PDZD2: variants seen among roughly 807,000 people sequenced by gnomAD.
PDZD2 encodes the protein PDZ domain containing 2, also known as PDZ domain-containing protein 2.
PDZD2 carries 90 observed loss-of-function variants against 220.7 expected under a neutral mutation model. The ratio of observed to expected loss-of-function variants is 0.41; its 90% CI spans 0.34 to 0.49. The LOEUF (loss-of-function observed/expected upper bound fraction) is 0.49, where lower values mean the gene tolerates loss of function less well. Among genes scored for constraint, PDZD2 ranks in the 20% least tolerant of loss-of-function variants. The pLI, the probability that PDZD2 is intolerant of heterozygous loss-of-function variation, is 0.28. For synonymous variants in PDZD2, 1,375 were observed against 1,450.5 expected, an observed-to-expected ratio of 0.95 and a Z score of 1.18; for missense variants, 3,174 against 3,608.5, an observed-to-expected ratio of 0.88 and a Z score of 3.08.
At chr5:32,091,278 A>C in intron 20 of PDZD2, 103 bp downstream of exon 20, 4 of 539,592 alleles carry the variant, frequency 7.4e-6, no homozygotes, top group Non-Finnish European at 1.1e-5. Context: ...GTTCCCACTT[A>C]CTTTTTTTTT....
chr5:32,095,632 G>GTGTC (rs1249988870), intron 21 of PDZD2, among the ~76,000 whole-genome samples: 2 of 150,782 alleles, frequency 1.3e-5, no homozygotes, highest in Non-Finnish European at 3.0e-5. Context: ...TAGCATATCT[G>GTGTC]TGTCCTTAAA....
At chr5:31,677,304 A>C (rs909049602) in intron 1 of PDZD2, among the ~76,000 whole-genome samples, 1 of 152,070 alleles carries the variant, frequency 6.6e-6, no homozygotes, top group Admixed American at 6.5e-5. Context: ...TCTAAAAAAA[A>C]TTTTTATTTG....
intron 1 of PDZD2, among the ~76,000 whole-genome samples, chr5:31,729,194 C>T (rs1749364571): frequency 6.7e-6 from 1 of 150,296 alleles, no homozygotes; most frequent in Non-Finnish European, 1.5e-5. Flanking sequence ...ACCTCCGCCT[C>T]CTGGATTCAG....
intron 6 of PDZD2, among the ~76,000 whole-genome samples, chr5:32,036,629 C>A (rs1309062932): frequency 6.6e-6 from 1 of 152,170 alleles, no homozygotes; most frequent in Non-Finnish European, 1.5e-5. Context: ...TCGACGCCTC[C>A]AGGGTGCCTG....
intron 7 of PDZD2, among the ~76,000 whole-genome samples, chr5:32,038,108 C>G (rs1037920415): frequency 7.0e-6 from 1 of 143,038 alleles, no homozygotes; most frequent in Non-Finnish European, 1.5e-5. Context: ...TCCCAAAGTG[C>G]TGGGATTATA....
At chr5:31,670,185 T>A (rs1044822276) in intron 1 of PDZD2, among the ~76,000 whole-genome samples, 5 of 152,160 alleles carry the variant, frequency 3.3e-5, no homozygotes, top group African/African-American at 1.2e-4. Context: ...TGTTTGAACC[T>A]AAACTCAAGG....
chr5:32,009,548 T>G (rs1334103228), intron 5 of PDZD2, among the ~76,000 whole-genome samples: 1 of 150,124 alleles, frequency 6.7e-6, no homozygotes, highest in Non-Finnish European at 1.5e-5. Context: ...GGCAACATAG[T>G]GAGACCTTGT....
rs1323975888 is a variant in PDZD2 at position 32,110,297 on chromosome 5, G to T, written c.*2162G>T. 1 of 152,626 alleles carries T rather than the reference G, an allele frequency of 6.6e-6. No homozygotes were observed. The highest frequency in any genetic ancestry group is 2.1e-4 in the South Asian group (1 of 4,828). The allele number at this position is 152,626 out of a possible 1,614,324, so 9.5% of individuals were successfully genotyped here. On this transcript the variant is annotated 3_prime_UTR_variant, in exon 25 of 25. Coordinates refer to ENST00000438447, the MANE Select transcript of PDZD2 (RefSeq NM_178140.4). ...TAATCCTCATATCTGGAGTACAAGGGTAGACCTCTGGCTTACCACATACAC... is the reference window on the plus strand; with the variant it reads ...TAATCCTCATATCTGGAGTACAAGGTTAGACCTCTGGCTTACCACATACAC...
At chr5:31,703,544 A>G (rs764780899) in intron 1 of PDZD2, among the ~76,000 whole-genome samples, 2 of 152,148 alleles carry the variant, frequency 1.3e-5, no homozygotes, top group Non-Finnish European at 2.9e-5. Context: ...TTAAACCTAG[A>G]TGACGGGTTG....
Position 31,639,928 on chromosome 5 carries a change from G to C in PDZD2, c.-361+491G>C, listed in dbSNP as rs1346340046. Among the ~76,000 whole-genome samples, 2 of 152,168 alleles carry C rather than the reference G, an allele frequency of 1.3e-5. No homozygotes were observed. Among genetic ancestry groups the C allele is most frequent in the Non-Finnish European group, 2.9e-5 (2 of 68,030 alleles). ...TCTTTGCCCAGATGAGACGTTAGAC[G>C]CGGGGCGAGGGAATGCAGGGGGCGC... On this transcript the variant is annotated intron_variant, in intron 1 of 24. Transcript: ENST00000438447. The surrounding 1 kb of genome is among the most constrained non-coding windows in gnomAD (Gnocchi z 4.1).
At chr5:31,779,822 C>A (rs1394871519) in intron 1 of PDZD2, among the ~76,000 whole-genome samples, 1 of 152,066 alleles carries the variant, frequency 6.6e-6, no homozygotes, top group South Asian at 2.1e-4. Context: ...TTCTCATCTC[C>A]TTGGCAGCTT....
At chr5:31,855,906 T>C (rs970778351) in intron 2 of PDZD2, among the ~76,000 whole-genome samples, 1 of 152,184 alleles carries the variant, frequency 6.6e-6, no homozygotes, top group Admixed American at 6.5e-5. Flanking sequence ...AAGTCAGTCT[T>C]GTCTCATGAG....
intron 2 of PDZD2, among the ~76,000 whole-genome samples, chr5:31,854,504 A>AT (rs776137957): frequency 2.6e-5 from 4 of 152,092 alleles, no homozygotes; most frequent in Non-Finnish European, 4.4e-5. Flanking sequence ...GATGGTTGTG[A>AT]TTTTAGCTGG....
intron 6 of PDZD2, among the ~76,000 whole-genome samples, chr5:32,019,168 G>T (rs1754002245): frequency 6.8e-6 from 1 of 146,150 alleles, no homozygotes; most frequent in South Asian, 2.2e-4. Context: ...TTGAGACAGG[G>T]TCTCACTCTG....
intron 1 of PDZD2, among the ~76,000 whole-genome samples, chr5:31,735,092 G>A (rs969021316): frequency 2.0e-5 from 3 of 152,098 alleles, no homozygotes; most frequent in East Asian, 3.9e-4. Flanking sequence ...CTTGCCCAGC[G>A]TTGAACCCTC....
At chr5:31,976,532 T>G (rs752372029) in intron 2 of PDZD2, among the ~76,000 whole-genome samples, 67 of 152,138 alleles carry the variant, frequency 4.4e-4, no homozygotes, top group Non-Finnish European at 1.9e-4. Context: ...GTGGTTGGTG[T>G]TTATTCTCCT....
At chr5:31,869,329 G>T in intron 2 of PDZD2, among the ~76,000 whole-genome samples, 1 of 152,100 alleles carries the variant, frequency 6.6e-6, no homozygotes, top group Non-Finnish European at 1.5e-5. Context: ...CTGTCCCTGT[G>T]ACGTGTGTTC....
intron 14 of PDZD2, among the ~76,000 whole-genome samples, chr5:32,066,034 A>ATCAG (rs1490574976): frequency 1.3e-5 from 2 of 151,394 alleles, no homozygotes; most frequent in African/African-American, 2.4e-5. Flanking sequence ...AAATCAATCA[A>ATCAG]TCAATCAATC....
At chr5:31,944,535 T>C (rs1006091243) in intron 2 of PDZD2, among the ~76,000 whole-genome samples, 1 of 152,208 alleles carries the variant, frequency 6.6e-6, no homozygotes, top group Non-Finnish European at 1.5e-5. Context: ...GTAGGTAGCT[T>C]AAGTATTCCA....
Sources: gnomAD v4.1 joint callset for allele counts (sites outside exome capture counted in the v4.1 genomes callset) on GRCh38, gnomAD v4.1.1 for gene constraint, Gnocchi (gnomAD v3.1) non-coding constraint, MANE v1.5 for transcripts, NCBI Gene and HGNC (gene_info 2026-07-23, HGNC 2026-07-21) for gene names.